Variants in ANKRD27 observed in about 807,000 individuals in gnomAD.
ANKRD27 encodes ankyrin repeat domain-containing protein 27.
In ANKRD27, 112 loss-of-function variants were observed where a neutral mutation model predicts 129.7. That is an observed-to-expected ratio of 0.86 (90% CI 0.74 to 1.01). ANKRD27 has a LOEUF of 1.01. Among genes scored for constraint, ANKRD27 ranks in the 50% least tolerant of loss-of-function variants. ANKRD27 has a pLI of 0.00. For synonymous variants in ANKRD27, 516 were observed against 511.2 expected (o/e 1.01, Z -0.13); for missense variants, 1,258 against 1,300.5 (o/e 0.97, Z 0.50).
chr19:32,660,420 A>G (rs1967622491), intron 1 of ANKRD27, among the ~76,000 whole-genome samples: 1 of 152,190 alleles, frequency 6.6e-6, no homozygotes. Context: ...GTGCATGCCT[A>G]TAGTCCCAGC....
chr19:32,639,149 A>G (rs1967145579), intron 12 of ANKRD27: 2 of 597,040 alleles, frequency 3.3e-6, no homozygotes, highest in Admixed American at 6.2e-5. Flanking sequence ...TGTAAATCCC[A>G]ATGATAACCC....
At chr19:32,604,727 TA>T (rs1971705987) in intron 24 of ANKRD27, among the ~76,000 whole-genome samples, 2 of 152,132 alleles carry the variant, frequency 1.3e-5, no homozygotes, top group South Asian at 4.1e-4. Flanking sequence ...AAAGTTTGAG[TA>T]AATAAGTTTC....
chr19:32,669,950 G>A (rs529812405), intron 1 of ANKRD27, among the ~76,000 whole-genome samples: 13 of 151,020 alleles, frequency 8.6e-5, no homozygotes, highest in Admixed American at 1.3e-4. Context: ...GAGCCGAGAT[G>A]GCGCCACTGC....
chr19:32,674,161 A>G (rs141008822), intron 1 of ANKRD27, among the ~76,000 whole-genome samples: 6 of 152,094 alleles, frequency 3.9e-5, no homozygotes. Flanking sequence ...TGTCTCAAAA[A>G]GAAAAAAACG....
intron 23 of ANKRD27, among the ~76,000 whole-genome samples, chr19:32,606,971 A>G (rs28362753): frequency 7.1e-6 from 1 of 140,128 alleles, no homozygotes; most frequent in African/African-American, 2.9e-5. Context: ...AAAAAAAAAA[A>G]AAAGAAAAAT....
intron 22 of ANKRD27, 57 bp downstream of exon 22, chr19:32,615,601 A>G (rs1971903876): frequency 2.5e-6 from 4 of 1,608,828 alleles, no homozygotes; most frequent in Non-Finnish European, 3.4e-6. Flanking sequence ...AAAAACAAAA[A>G]CAAAAACAAA....
chr19:32,658,861 C>T (rs1461911404), intron 2 of ANKRD27, 53 bp downstream of exon 2: 4 of 1,402,828 alleles, frequency 2.9e-6, no homozygotes, highest in Non-Finnish European at 4.0e-6. Context: ...TAGTCTACCA[C>T]GTCTCTGGAA....
intron 1 of ANKRD27, among the ~76,000 whole-genome samples, chr19:32,671,218 G>T (rs895841597): frequency 6.6e-5 from 10 of 151,920 alleles, no homozygotes; most frequent in Admixed American, 4.6e-4. Context: ...AGCCCAAGAG[G>T]TCAAGGCTGC....
intron 15 of ANKRD27, 108 bp from the exon 16 acceptor site, chr19:32,626,935 C>T (rs890091234): frequency 5.7e-6 from 4 of 696,606 alleles, no homozygotes; most frequent in African/African-American, 3.7e-5. Flanking sequence ...GGGCATGAAA[C>T]CCACGGTAGA....
intron 22 of ANKRD27, among the ~76,000 whole-genome samples, chr19:32,612,409 G>A (rs775099045): frequency 6.6e-6 from 1 of 152,152 alleles, no homozygotes; most frequent in Non-Finnish European, 1.5e-5. Flanking sequence ...ACCAGTCTGG[G>A]TACTATAAGA....
At chr19:32,619,601 G>T in intron 18 of ANKRD27, 48 bp from the exon 19 acceptor site, 2 of 1,600,890 alleles carry the variant, frequency 1.2e-6, no homozygotes, top group Non-Finnish European at 1.7e-6. Flanking sequence ...GATGGGGGTC[G>T]TCTCAGCACA....
At chr19:32,650,574 C>G (rs1256910276) in intron 2 of ANKRD27, among the ~76,000 whole-genome samples, 1 of 151,736 alleles carries the variant, frequency 6.6e-6, no homozygotes, top group Non-Finnish European at 1.5e-5. Flanking sequence ...GTAATCCCAG[C>G]TACTCGGGAG....
chr19:32,629,047 A>C (rs569266381), intron 13 of ANKRD27, among the ~76,000 whole-genome samples, 198 bp from the exon 14 acceptor site: 1 of 152,158 alleles, frequency 6.6e-6, no homozygotes, highest in Non-Finnish European at 1.5e-5. Flanking sequence ...CAGCCTCCCA[A>C]GTAGCTGGGA....
chr19:32,609,898 G>A (rs1011709658), intron 22 of ANKRD27, among the ~76,000 whole-genome samples: 15 of 152,016 alleles, frequency 9.9e-5, no homozygotes, highest in Admixed American at 1.3e-4. Flanking sequence ...ACTGGAGACC[G>A]GGTGTGGTGG....
At chr19:32,634,153 C>G (rs977656455) in intron 12 of ANKRD27, among the ~76,000 whole-genome samples, 1 of 152,168 alleles carries the variant, frequency 6.6e-6, no homozygotes, top group Admixed American at 6.5e-5. Flanking sequence ...GTCCTTAATA[C>G]TTTTCAGAAA....
chr19:32,650,704 C>G (rs1967398008), intron 2 of ANKRD27, among the ~76,000 whole-genome samples: 1 of 149,170 alleles, frequency 6.7e-6, no homozygotes, highest in African/African-American at 2.5e-5. Context: ...AAAAAGAACA[C>G]TTCACATGGA....
At chr19:32,648,806 A>C (rs1967353506) in intron 3 of ANKRD27, among the ~76,000 whole-genome samples, 1 of 152,072 alleles carries the variant, frequency 6.6e-6, no homozygotes, top group Middle Eastern at 3.4e-3. Context: ...CTCAAAAAAA[A>C]AAAAAAAGAT....
chr19:32,598,525 G>A (rs17692896), intron 28 of ANKRD27, 147 bp from the exon 29 acceptor site: 36,859 of 699,950 alleles, frequency 0.053, 1,254 homozygotes, highest in Non-Finnish European at 0.066. Flanking sequence ...CATCCCTGTC[G>A]TGGTAACATG....
chr19:32,602,664 C>T (rs977864238), intron 25 of ANKRD27, among the ~76,000 whole-genome samples: 7 of 151,520 alleles, frequency 4.6e-5, no homozygotes, highest in African/African-American at 1.2e-4. Flanking sequence ...GAGGCCGAGG[C>T]GGGTGGATTG....
Sources: allele counts gnomAD v4.1 joint callset (sites outside exome capture counted in the v4.1 genomes callset), GRCh38; gene constraint gnomAD v4.1.1; transcripts MANE v1.5; gene names NCBI Gene and HGNC (gene_info 2026-07-23, HGNC 2026-07-21).